PCDHA5: variants seen among roughly 807,000 people sequenced by gnomAD.
PCDHA5 encodes protocadherin alpha 5, also known as protocadherin alpha-5.
PCDHA5 carries 43 observed loss-of-function variants against 61.6 expected under a neutral mutation model. The ratio of observed to expected loss-of-function variants is 0.70; its 90% CI spans 0.55 to 0.90. The LOEUF is 0.90. PCDHA5 is among the 40% of genes least tolerant of loss of function. The probability of loss-of-function intolerance (pLI) is 0.00; values close to 1 mark genes in which losing one functional copy is unlikely to be tolerated. For missense variants in PCDHA5, 1,298 were observed against 1,222.7 expected, an observed-to-expected ratio of 1.06 and a Z score of -0.92; for synonymous variants, 627 against 543.9, an observed-to-expected ratio of 1.15 and a Z score of -2.13.
At chr5:140,931,793 A>C (rs979670484) in intron 1 of PCDHA5, among the ~76,000 whole-genome samples, 33 of 151,972 alleles carry the variant, frequency 2.2e-4, no homozygotes, top group African/African-American at 7.7e-4. Context: ...TATTGATCTG[A>C]TCTTAATTCT....
At chr5:140,941,202 CCTTTCTTTCTTCCTTT>C (rs1307053809) in intron 1 of PCDHA5, among the ~76,000 whole-genome samples, 1 of 122,742 alleles carries the variant, frequency 8.1e-6, no homozygotes, top group Non-Finnish European at 1.8e-5. Context: ...TTTCTTTCTT[CCTTTCTTTCTTCCTTT>C]CTTTCTTTCT....
At chr5:140,929,322 C>T in intron 1 of PCDHA5, 1 of 1,540,684 alleles carries the variant, frequency 6.5e-7, no homozygotes, top group Non-Finnish European at 8.8e-7. Context: ...ATGTCAATGC[C>T]ATGGTAAGCA....
intron 1 of PCDHA5, chr5:140,867,381 A>C (rs2049925984): frequency 6.6e-6 from 1 of 152,184 alleles, no homozygotes; most frequent in African/African-American, 2.4e-5. Context: ...AATGGAATTA[A>C]CGGTTATAAA....
intron 1 of PCDHA5, chr5:140,852,001 C>G (rs2042214693): frequency 1.0e-6 from 1 of 975,480 alleles, no homozygotes; most frequent in East Asian, 1.1e-4. Context: ...TGTTTGTTTT[C>G]TAATTTATAG....
chr5:140,979,088 A>G, intron 2 of PCDHA5, 81 bp downstream of exon 2: 1 of 1,559,594 alleles, frequency 6.4e-7, no homozygotes, highest in Non-Finnish European at 8.7e-7. Flanking sequence ...ATAGGCCAGA[A>G]GCAGCTGTCA....
chr5:140,980,575 A>C (rs901433332), intron 2 of PCDHA5, among the ~76,000 whole-genome samples: 3 of 152,296 alleles, frequency 2.0e-5, no homozygotes, highest in Admixed American at 1.3e-4. Context: ...AGTTGCAGTG[A>C]GCCAAGATCG....
intron 2 of PCDHA5, among the ~76,000 whole-genome samples, chr5:140,981,854 C>T (rs2096954295): frequency 6.6e-6 from 1 of 152,132 alleles, no homozygotes; most frequent in South Asian, 2.1e-4. Flanking sequence ...GTATCTCACT[C>T]CCAGCAATGT....
intron 1 of PCDHA5, among the ~76,000 whole-genome samples, chr5:140,895,711 T>C (rs2065121989): frequency 6.6e-6 from 1 of 152,216 alleles, no homozygotes; most frequent in African/African-American, 2.4e-5. Flanking sequence ...CTTGGGATAA[T>C]GGCCTGCACC....
intron 1 of PCDHA5, among the ~76,000 whole-genome samples, chr5:140,941,202 C>CCTTCCTTTCTTTCTTT (rs1554213920): frequency 7.0e-4 from 86 of 122,822 alleles, no homozygotes; most frequent in Admixed American, 2.1e-3. Context: ...TTTCTTTCTT[C>CCTTCCTTTCTTTCTTT]CTTTCTTTCT....
Position 140,855,527 on chromosome 5 carries a change from G to C in PCDHA5, c.2352+31400G>C, listed in dbSNP as rs1017117704. ...TTAAATCTCAAAATAATGAGAAAGA[G>C]AAGTAAGTTAAGTGTCAGAACTTAA... On this transcript the variant is annotated intron_variant, in intron 1 of 3. Coordinates refer to ENST00000529859, the MANE Select transcript of PCDHA5 (RefSeq NM_018908.3). 1.3e-5 allele frequency among the ~76,000 whole-genome samples: 2 copies of C among 149,890 alleles called. 1 individual carries two copies. The highest frequency in any genetic ancestry group is 4.9e-5 in the African/African-American group (2 of 40,842).
At chr5:140,829,894 A>C (rs201316180) in intron 1 of PCDHA5, 21 of 1,613,840 alleles carry the variant, frequency 1.3e-5, no homozygotes, top group Non-Finnish European at 1.7e-5. Context: ...ACGCCGACTC[A>C]GGCTACAACG....
chr5:140,852,885 A>ATT, intron 1 of PCDHA5: 58 of 777,210 alleles, frequency 7.5e-5, no homozygotes, highest in Non-Finnish European at 8.7e-5. Flanking sequence ...CATAAAACGT[A>ATT]TTTTTTTTTT....
intron 3 of PCDHA5, among the ~76,000 whole-genome samples, chr5:140,999,235 T>C (rs1407252981): frequency 6.6e-6 from 1 of 152,154 alleles, no homozygotes; most frequent in Non-Finnish European, 1.5e-5. Context: ...GAATAGGTGG[T>C]TAAAGTGGGA....
intron 2 of PCDHA5, among the ~76,000 whole-genome samples, chr5:140,981,439 T>C (rs1468864699): frequency 6.6e-6 from 1 of 152,128 alleles, no homozygotes; most frequent in Non-Finnish European, 1.5e-5. Flanking sequence ...CCAGGCATGG[T>C]GGCGGGTGCC....
rs782239316 is a variant in PCDHA5 at position 140,877,376 on chromosome 5, G to T, written c.2352+53249G>T. 6.2e-6 allele frequency: 10 copies of T among 1,613,896 alleles called. No individual in the cohort carries two copies. The South Asian group carries it at 6.6e-5, about 11-fold the overall frequency. On this transcript the variant is annotated intron_variant, in intron 1 of 3. Transcript: ENST00000529859. The stretch of plus-strand genomic sequence containing the variant: ...TACACTGGCGAGATCAGCACGACAC[G>T]CATCCTGGATGAGGCGGACGCTCCG...
At chr5:140,940,731 G>T (rs1195223562) in intron 1 of PCDHA5, among the ~76,000 whole-genome samples, 2 of 152,162 alleles carry the variant, frequency 1.3e-5, no homozygotes, top group Admixed American at 1.3e-4. Flanking sequence ...CAGCTGGACA[G>T]CTCCATATTT....
intron 1 of PCDHA5, chr5:140,870,212 T>C (rs2051764636): frequency 6.2e-7 from 1 of 1,614,076 alleles, no homozygotes; most frequent in Non-Finnish European, 8.5e-7. Context: ...GTCATTGCCC[T>C]GATCAGCGTG....
chr5:140,822,963 G>A lies in PCDHA5; in HGVS notation c.1188G>A (p.Leu396=), dbSNP rs2150120788. ...CSLMPHVPFK[L]VSTFKNYYSL... is the part of the protein sequence containing the mutation. The stretch of plus-strand genomic sequence containing the variant: ...TAATGCCCCACGTTCCCTTCAAGCT[G>A]GTGTCCACCTTCAAGAATTACTACT... Residue 396 remains leucine (L), a synonymous_variant, in exon 1 of 4, where the codon CTG becomes CTA. Transcript: ENST00000529859. The A allele has an allele frequency of 1.2e-6, 2 of 1,614,232 alleles. No homozygotes were observed. Among genetic ancestry groups the A allele is most frequent in the South Asian group, 2.2e-5 (2 of 91,090 alleles).
chr5:140,837,864 A>G (rs1279625431), intron 1 of PCDHA5, among the ~76,000 whole-genome samples: 2 of 151,530 alleles, frequency 1.3e-5, no homozygotes, highest in East Asian at 1.9e-4. Flanking sequence ...ATTTTTGTAG[A>G]GACAGGGTGG....
Sources: gnomAD v4.1 joint callset for allele counts (sites outside exome capture counted in the v4.1 genomes callset) on GRCh38, gnomAD v4.1.1 for gene constraint, MANE v1.5 for transcripts, NCBI Gene and HGNC (gene_info 2026-07-23, HGNC 2026-07-21) for gene names.